CRB1: variants seen among roughly 807,000 people sequenced by gnomAD.
CRB1 encodes the protein protein crumbs homolog 1.
Under a neutral mutation model 120.0 loss-of-function variants are expected in CRB1, and 83 were observed. That is an observed-to-expected ratio of 0.69 (90% CI 0.58 to 0.83). CRB1 has a LOEUF of 0.83. CRB1 is among the 40% of genes least tolerant of loss of function. The pLI, the probability that CRB1 is intolerant of heterozygous loss-of-function variation, is 0.00. For synonymous variants in CRB1, 625 were observed against 612.5 expected, an observed-to-expected ratio of 1.02 and a Z score of -0.30; for missense variants, 1,699 against 1,687.6, an observed-to-expected ratio of 1.01 and a Z score of -0.12.
intron 11 of CRB1, among the ~76,000 whole-genome samples, chr1:197,453,528 A>G (rs1183017992): frequency 1.4e-3 from 90 of 63,782 alleles, no homozygotes; most frequent in Admixed American, 3.1e-3. Flanking sequence ...GTGTGTGTAT[A>G]TATATATATA....
intron 11 of CRB1, among the ~76,000 whole-genome samples, chr1:197,447,898 C>T (rs1182644569): frequency 1.3e-5 from 2 of 151,096 alleles, no homozygotes; most frequent in Non-Finnish European, 2.9e-5. Context: ...AACCTTCTCT[C>T]ACAGTATCTT....
Position 197,347,343 on chromosome 1 carries a change from T to C in CRB1, c.852T>C (p.Tyr284=), listed in dbSNP as rs1046799192. ...GGLCVDGENR[Y]SCNCTGSGFT... is the part of the protein sequence containing the mutation. ...GAAAATTTCATTTACTTTCCAGATA[T>C]AGCTGTAACTGCACGGGTAGTGGAT... Residue 284 remains tyrosine (Y), a synonymous_variant, in exon 4 of 12, where the codon TAT becomes TAC. Coordinates refer to ENST00000367400, the MANE Select transcript of CRB1 (RefSeq NM_201253.3). The C allele has an allele frequency of 1.2e-6, 2 of 1,613,732 alleles. No homozygotes were observed. The highest frequency in any genetic ancestry group is 2.2e-5 in the East Asian group (1 of 44,862).
chr1:197,374,273 G>A (rs1661528635), intron 5 of CRB1, among the ~76,000 whole-genome samples: 1 of 152,160 alleles, frequency 6.6e-6, no homozygotes, highest in African/African-American at 2.4e-5. Flanking sequence ...CTATCCCCCA[G>A]TTGGGAGTGC....
At chr1:197,394,771 G>A (rs1662689108) in intron 5 of CRB1, among the ~76,000 whole-genome samples, 1 of 151,920 alleles carries the variant, frequency 6.6e-6, no homozygotes, top group South Asian at 2.1e-4. Context: ...GACAGGATTA[G>A]CTGCCAGTCC....
chr1:197,409,112 T>C (rs1379338623), intron 5 of CRB1, among the ~76,000 whole-genome samples: 1 of 152,172 alleles, frequency 6.6e-6, no homozygotes, highest in Non-Finnish European at 1.5e-5. Context: ...TGAACAAATA[T>C]CAGGTCTGGA....
At chr1:197,463,695 T>C (rs1247065085) in intron 11 of CRB1, among the ~76,000 whole-genome samples, 2 of 152,176 alleles carry the variant, frequency 1.3e-5, no homozygotes, top group Non-Finnish European at 2.9e-5. Flanking sequence ...TATCATTAGA[T>C]TGTGGTGAAA....
chr1:197,349,446 T>G (rs1428457870), intron 4 of CRB1, among the ~76,000 whole-genome samples: 1 of 152,222 alleles, frequency 6.6e-6, no homozygotes, highest in Non-Finnish European at 1.5e-5. Flanking sequence ...TCCTCTTGCT[T>G]TATTTACTGG....
intron 5 of CRB1, among the ~76,000 whole-genome samples, chr1:197,408,580 G>A (rs189067956): frequency 2.6e-5 from 4 of 152,282 alleles, no homozygotes; most frequent in Non-Finnish European, 4.4e-5. Context: ...AAACAGCACT[G>A]CTAAAGAATG....
intron 5 of CRB1, chr1:197,413,983 T>C (rs1417298309): frequency 2.2e-6 from 1 of 456,920 alleles, no homozygotes; most frequent in African/African-American, 2.0e-5. Context: ...TTTCACATTT[T>C]AATGGCAATG....
At chr1:197,389,742 G>A (rs1301589322) in intron 5 of CRB1, among the ~76,000 whole-genome samples, 1 of 152,058 alleles carries the variant, frequency 6.6e-6, no homozygotes, top group African/African-American at 2.4e-5. Context: ...ATTGGTTTCA[G>A]TTCATCAATA....
chr1:197,219,618 C>T, the CRB1 span, among the ~76,000 whole-genome samples: 112 of 152,348 alleles, frequency 7.4e-4, no homozygotes, highest in Non-Finnish European at 1.4e-3. Flanking sequence ...ACAGCGAATA[C>T]GCAGAGGAGT....
chr1:197,398,892 TTG>T (rs140149936), intron 5 of CRB1, among the ~76,000 whole-genome samples: 25,386 of 135,990 alleles, frequency 0.19, 2,256 homozygotes, highest in Middle Eastern at 0.3. Flanking sequence ...CAGGAAATGA[TTG>T]TGTGTGTGTG....
At chr1:197,324,257 C>CT (rs1378192444) in intron 1 of CRB1, among the ~76,000 whole-genome samples, 2 of 152,086 alleles carry the variant, frequency 1.3e-5, no homozygotes, top group African/African-American at 4.8e-5. Context: ...TTTCTCAGAA[C>CT]CCCCAAAACT....
intron 5 of CRB1, among the ~76,000 whole-genome samples, chr1:197,381,877 G>A (rs1027121526): frequency 6.6e-6 from 1 of 152,164 alleles, no homozygotes; most frequent in Non-Finnish European, 1.5e-5. Context: ...ACTCCTTATT[G>A]TGAGGAAGCC....
At chr1:197,312,237 CTGAA>C (rs1423017682) in intron 1 of CRB1, among the ~76,000 whole-genome samples, 1 of 152,086 alleles carries the variant, frequency 6.6e-6, no homozygotes, top group African/African-American at 2.4e-5. Context: ...ATCATAGAAA[CTGAA>C]TGAATATGCA....
intron 11 of CRB1, among the ~76,000 whole-genome samples, chr1:197,445,283 CA>C (rs2125519290): frequency 6.6e-6 from 1 of 152,234 alleles, no homozygotes; most frequent in South Asian, 2.1e-4. Context: ...TTAAACTAAA[CA>C]GGGCTATGTC....
rs544151663 is a variant in CRB1 at position 197,449,296 on chromosome 1, T to G, written c.4005+7004T>G. ...TAATTTTGGATTGCATCCTGGTCAT[T>G]GTAGCTTATACAATGCAGAGATTAT... On this transcript the variant is annotated intron_variant, in intron 11 of 11. Transcript: ENST00000367400. Among the ~76,000 whole-genome samples, 3 of 152,266 alleles carry G rather than the reference T, an allele frequency of 2.0e-5. No individual in the cohort carries two copies. In the Middle Eastern group the frequency reaches 0.01, roughly 518 times the overall value.
chr1:197,378,223 CA>C (rs1265707794), intron 5 of CRB1, among the ~76,000 whole-genome samples: 1 of 152,150 alleles, frequency 6.6e-6, no homozygotes, highest in African/African-American at 2.4e-5. Context: ...CTTCAAGTAT[CA>C]AACAATGATA....
intron 9 of CRB1, among the ~76,000 whole-genome samples, chr1:197,437,469 T>C (rs140295368): frequency 9.2e-4 from 140 of 152,286 alleles, no homozygotes; most frequent in African/African-American, 3.2e-3. Flanking sequence ...AATTTTTTTC[T>C]GCCTAATTCA....
Sources: gnomAD v4.1 joint callset for allele counts (sites outside exome capture counted in the v4.1 genomes callset) on GRCh38, gnomAD v4.1.1 for gene constraint, MANE v1.5 for transcripts, NCBI Gene and HGNC (gene_info 2026-07-23, HGNC 2026-07-21) for gene names.